Variants in BCAS3 observed in about 807,000 individuals in gnomAD.
BCAS3 encodes BCAS4/BCAS3 fusion.
BCAS3 carries 53 observed loss-of-function variants against 116.1 expected under a neutral mutation model. The ratio of observed to expected loss-of-function variants is 0.46; its 90% CI spans 0.37 to 0.57. BCAS3 has a LOEUF of 0.57. Ranked by LOEUF, BCAS3 falls within the 20% of genes least tolerant of loss-of-function variation. The probability of loss-of-function intolerance (pLI) is 0.00; values close to 1 mark genes in which losing one functional copy is unlikely to be tolerated. For synonymous variants in BCAS3, 391 were observed against 408.2 expected, an observed-to-expected ratio of 0.96 and a Z score of 0.51; for missense variants, 917 against 1,165.4, an observed-to-expected ratio of 0.79 and a Z score of 3.10.
At chr17:60,829,493 C>CAA (rs538508139) in intron 7 of BCAS3, among the ~76,000 whole-genome samples, 25,818 of 124,216 alleles carry the variant, frequency 0.21, 2,835 homozygotes, top group African/African-American at 0.32. Flanking sequence ...GACTGTGTCT[C>CAA]AAAAAAAAAA....
At chr17:61,173,406 G>A (rs185921088) in intron 22 of BCAS3, among the ~76,000 whole-genome samples, 22 of 150,574 alleles carry the variant, frequency 1.5e-4, no homozygotes, top group African/African-American at 2.9e-4. Flanking sequence ...CTGAGATCAC[G>A]CCACTGCACC....
intron 11 of BCAS3, among the ~76,000 whole-genome samples, chr17:60,907,728 C>T (rs2058260571): frequency 1.3e-5 from 2 of 152,136 alleles, no homozygotes; most frequent in Non-Finnish European, 2.9e-5. Flanking sequence ...TCTAATTTTT[C>T]ATCTCCTTTT....
chr17:60,700,009 C>G (rs558929150), intron 4 of BCAS3, among the ~76,000 whole-genome samples: 1 of 151,640 alleles, frequency 6.6e-6, no homozygotes, highest in Non-Finnish European at 1.5e-5. Flanking sequence ...CCCATCTCTA[C>G]AAAAAAATTA....
In BCAS3 at chr17:61,012,653, C is replaced by G. The variant is rs978909622; in HGVS notation, c.1487-3098C>G. ...TAAAACCTACACAACTTACTTTGCTCTCTCAGATGTGCTGGTTTCAAATGG... is the reference window on the plus strand; with the variant it reads ...TAAAACCTACACAACTTACTTTGCTGTCTCAGATGTGCTGGTTTCAAATGG... On this transcript the variant is annotated intron_variant, in intron 15 of 23. Transcript: ENST00000407086. The surrounding 1 kb of genome is among the most constrained non-coding windows in gnomAD (Gnocchi z 4.5). Among the ~76,000 whole-genome samples, 3 of 152,068 alleles carry G rather than the reference C, an allele frequency of 2.0e-5. No homozygotes were observed. Among genetic ancestry groups the G allele is most frequent in the Non-Finnish European group, 2.9e-5 (2 of 67,940 alleles).
intron 5 of BCAS3, among the ~76,000 whole-genome samples, chr17:60,727,653 C>T (rs1325376503): frequency 6.6e-6 from 1 of 152,050 alleles, no homozygotes; most frequent in African/African-American, 2.4e-5. Context: ...TCCCGTATAC[C>T]TCCTGCCTCC....
Position 61,217,885 on chromosome 17 carries a change from G to A in BCAS3, c.2425+133321G>A, listed in dbSNP as rs1166869372. On this transcript the variant is annotated intron_variant, in intron 22 of 23. Coordinates refer to ENST00000407086, the MANE Select transcript of BCAS3 (RefSeq NM_017679.5). This position sits in a 1 kb window ranked among gnomAD's most constrained non-coding sequence, Gnocchi z 5.2. ...ACTTCTCTGTAACAACAGTCTTGGTGGCTGACTTTGTTGCTCCTGTGAGAG... is the reference window on the plus strand; with the variant it reads ...ACTTCTCTGTAACAACAGTCTTGGTAGCTGACTTTGTTGCTCCTGTGAGAG... 6.6e-6 allele frequency among the ~76,000 whole-genome samples: 1 copy of A among 152,132 alleles called. No individual in the cohort carries two copies. Among genetic ancestry groups the A allele is most frequent in the Non-Finnish European group, 1.5e-5 (1 of 68,024 alleles).
At chr17:60,880,280 T>C (rs76138663) in intron 9 of BCAS3, among the ~76,000 whole-genome samples, 2 of 152,172 alleles carry the variant, frequency 1.3e-5, no homozygotes, top group South Asian at 2.1e-4. Flanking sequence ...TTTTTTTTTT[T>C]TATTGTTGTT....
intron 22 of BCAS3, among the ~76,000 whole-genome samples, chr17:61,192,706 C>T (rs528516236): frequency 2.0e-5 from 3 of 152,182 alleles, no homozygotes; most frequent in African/African-American, 7.2e-5. Context: ...AAAAGAAAAT[C>T]CTTTAAAAAT....
chr17:60,754,680 TACACAC>T lies in BCAS3; in HGVS notation c.403+7457_403+7462del, dbSNP rs772900751. Among the ~76,000 whole-genome samples the T allele has an allele frequency of 4.8e-3, 696 of 145,394 alleles. 5 individuals carry two copies. Among genetic ancestry groups the T allele is most frequent in the African/African-American group, 0.017 (642 of 36,854 alleles). On this transcript the variant is annotated intron_variant, in intron 6 of 23. Coordinates refer to ENST00000407086, the MANE Select transcript of BCAS3 (RefSeq NM_017679.5). ...AGAAATGCAGATGTAAAATTTAAAA[TACACAC>T]ACACACACACACACACACACACACA...
rs775886822 is a variant in BCAS3, at chr17:60,792,791, T to C, written c.404-15213T>C. On this transcript the variant is annotated intron_variant, in intron 6 of 23. Coordinates refer to ENST00000407086, the MANE Select transcript of BCAS3 (RefSeq NM_017679.5). ...ACTGAAGCCCTCATCAGATGCTCAATATTGAACTTTCCAGCCACTAGAAGT... is the reference window on the plus strand; with the variant it reads ...ACTGAAGCCCTCATCAGATGCTCAACATTGAACTTTCCAGCCACTAGAAGT... Among the ~76,000 whole-genome samples, 60 of 152,206 alleles carry C rather than the reference T, an allele frequency of 3.9e-4. 1 individual carries two copies. Among genetic ancestry groups the C allele is most frequent in the Non-Finnish European group, 5.9e-4 (40 of 68,038 alleles).
intron 5 of BCAS3, among the ~76,000 whole-genome samples, chr17:60,710,025 C>T (rs1355912002): frequency 2.0e-5 from 3 of 152,020 alleles, no homozygotes; most frequent in African/African-American, 7.2e-5. Flanking sequence ...CTGTATTGCT[C>T]AGGATGGTCT....
chr17:61,265,100 A>G lies in BCAS3; in HGVS notation c.2426-103227A>G, dbSNP rs1251748395. Among the ~76,000 whole-genome samples, 1 of 152,192 alleles carries G rather than the reference A, an allele frequency of 6.6e-6. No individual in the cohort carries two copies. Among genetic ancestry groups the G allele is most frequent in the Non-Finnish European group, 1.5e-5 (1 of 68,034 alleles). On this transcript the variant is annotated intron_variant, in intron 22 of 23. Coordinates refer to ENST00000407086, the MANE Select transcript of BCAS3 (RefSeq NM_017679.5). This position sits in a 1 kb window ranked among gnomAD's most constrained non-coding sequence, Gnocchi z 4.3. ...CTCACCGGGTTAGTTTGACAATTAC[A>G]TGGAGTACTATATATAAGAAAGCAC...
intron 22 of BCAS3, among the ~76,000 whole-genome samples, chr17:61,172,016 A>G (rs2078866725): frequency 6.6e-6 from 1 of 152,212 alleles, no homozygotes; most frequent in South Asian, 2.1e-4. Context: ...CAGAATAAGG[A>G]AACATTTCAT....
chr17:60,892,633 G>A (rs1455811835), intron 10 of BCAS3, among the ~76,000 whole-genome samples: 12 of 149,634 alleles, frequency 8.0e-5, no homozygotes, highest in Admixed American at 3.3e-4. Context: ...AAGAATAGCC[G>A]TTTTCGGCCC....
At chr17:60,790,570 G>A (rs1490177676) in intron 6 of BCAS3, among the ~76,000 whole-genome samples, 1 of 152,022 alleles carries the variant, frequency 6.6e-6, no homozygotes, top group Non-Finnish European at 1.5e-5. Flanking sequence ...TGTTTAGCAG[G>A]AGTAATGGCA....
intron 22 of BCAS3, among the ~76,000 whole-genome samples, chr17:61,149,228 A>T (rs939335727): frequency 4.6e-5 from 7 of 152,238 alleles, no homozygotes; most frequent in Admixed American, 2.6e-4. Context: ...CGCCTTGAGG[A>T]GTTAATGCAC....
chr17:61,057,861 T>C (rs2069550748), intron 19 of BCAS3, among the ~76,000 whole-genome samples: 1 of 152,128 alleles, frequency 6.6e-6, no homozygotes. Context: ...AAATCCCTTC[T>C]TTCTTCAAAT....
intron 22 of BCAS3, among the ~76,000 whole-genome samples, chr17:61,310,637 A>C (rs1029056795): frequency 6.6e-6 from 1 of 152,114 alleles, no homozygotes; most frequent in Non-Finnish European, 1.5e-5. Context: ...CCAGAAACTA[A>C]TCTGTCCCCC....
Position 60,811,273 on chromosome 17 carries a change from C to T in BCAS3, c.476+3197C>T, listed in dbSNP as rs545297328. Reference sequence around the variant, plus strand: ...CCCAGGAGTAGGAGGCCCTGCTGAACATCAAGGTCAAGCTGGAGACTGAGA... The same window carrying T: ...CCCAGGAGTAGGAGGCCCTGCTGAATATCAAGGTCAAGCTGGAGACTGAGA... On this transcript the variant is annotated intron_variant, in intron 7 of 23. Coordinates refer to ENST00000407086, the MANE Select transcript of BCAS3 (RefSeq NM_017679.5). The T allele has an allele frequency of 2.8e-5, 26 of 915,824 alleles. No homozygotes were observed. The African/African-American group carries it at 3.6e-4, about 13-fold the overall frequency. 56.7% of individuals were successfully genotyped at this position (915,824 alleles called of 1,614,324 possible). A position where few individuals can be genotyped will look rare whatever the true frequency, so the allele number is the denominator to read the frequency against.
Sources: allele counts gnomAD v4.1 joint callset (sites outside exome capture counted in the v4.1 genomes callset), GRCh38; gene constraint gnomAD v4.1.1; non-coding constraint Gnocchi (gnomAD v3.1); transcripts MANE v1.5; gene names NCBI Gene and HGNC (gene_info 2026-07-23, HGNC 2026-07-21).